MAOB: variants seen among roughly 807,000 people sequenced by gnomAD.
MAOB encodes the protein amine oxidase [flavin-containing] B.
In MAOB, 15 loss-of-function variants were observed where a neutral mutation model predicts 41.9. The ratio of observed to expected loss-of-function variants is 0.36; its 90% CI spans 0.24 to 0.55. MAOB has a LOEUF of 0.55. Ranked by LOEUF, MAOB falls within the 20% of genes least tolerant of loss-of-function variation. The probability of loss-of-function intolerance (pLI) is 0.86; values close to 1 mark genes in which losing one functional copy is unlikely to be tolerated. For synonymous variants in MAOB, 167 were observed against 144.2 expected, an observed-to-expected ratio of 1.16 and a Z score of -1.13; for missense variants, 345 against 398.7, an observed-to-expected ratio of 0.87 and a Z score of 1.15.
At chrX:43,866,017 A>G (rs1304405593) in intron 1 of MAOB, among the ~76,000 whole-genome samples, 1 of 110,964 alleles carries the variant, frequency 9.0e-6, no homozygotes, top group Non-Finnish European at 1.9e-5. Flanking sequence ...CAGTGTAGCT[A>G]CAGGCCCTAG....
chrX:43,849,709 A>G (rs1602025537), intron 1 of MAOB, among the ~76,000 whole-genome samples: 2 of 112,772 alleles, frequency 1.8e-5, no homozygotes, highest in East Asian at 5.6e-4. Context: ...TTAATTGTCT[A>G]TTCTTTGTCT....
At chrX:43,788,396 C>A (rs2034425534) in intron 8 of MAOB, among the ~76,000 whole-genome samples, 1 of 111,831 alleles carries the variant, frequency 8.9e-6, no homozygotes, top group Non-Finnish European at 1.9e-5. Flanking sequence ...CTTATATCAA[C>A]TGACAAGGAT....
chrX:43,806,483 A>T (rs1348169186), intron 3 of MAOB, among the ~76,000 whole-genome samples: 2 of 111,669 alleles, frequency 1.8e-5, no homozygotes, highest in Admixed American at 9.5e-5. Flanking sequence ...TCTTGTCATC[A>T]TGTCACCTCA....
intron 1 of MAOB, among the ~76,000 whole-genome samples, chrX:43,857,568 G>A (rs1290270953): frequency 3.6e-5 from 4 of 110,794 alleles, no homozygotes; most frequent in South Asian, 3.9e-4. Flanking sequence ...GGAGTCCTGC[G>A]GTCCATCCCA....
At chrX:43,857,112 T>TAG (rs2035298193) in intron 1 of MAOB, among the ~76,000 whole-genome samples, 3 of 15,017 alleles carry the variant, frequency 2.0e-4, no homozygotes, top group Non-Finnish European at 3.2e-4. Flanking sequence ...TATATATATA[T>TAG]ATATAGAGAG....
intron 8 of MAOB, among the ~76,000 whole-genome samples, chrX:43,784,731 C>T (rs2034377547): frequency 8.9e-6 from 1 of 112,289 alleles, no homozygotes; most frequent in Admixed American, 9.4e-5. Context: ...GCATTAACTC[C>T]TAACAATAGA....
intron 1 of MAOB, among the ~76,000 whole-genome samples, chrX:43,852,237 T>C (rs1342805263): frequency 8.9e-6 from 1 of 112,210 alleles, no homozygotes; most frequent in Admixed American, 9.4e-5. Flanking sequence ...AGGTAGTATC[T>C]TTATGACCCC....
intron 8 of MAOB, 72 bp downstream of exon 8, chrX:43,793,347 A>C: frequency 1.2e-6 from 1 of 850,333 alleles, no homozygotes; most frequent in East Asian, 3.4e-5. Flanking sequence ...TGACATTTTT[A>C]AAAAATGCAT....
At chrX:43,769,539 A>C in intron 12 of MAOB, 121 bp from the exon 13 acceptor site, 1 of 1,001,507 alleles carries the variant, frequency 1.0e-6, no homozygotes, top group Non-Finnish European at 1.3e-6. Context: ...GGACATTGGC[A>C]ATTTTGGAAT....
At chrX:43,804,281 C>A (rs73473847) in intron 3 of MAOB, among the ~76,000 whole-genome samples, 301 of 111,356 alleles carry the variant, frequency 2.7e-3, no homozygotes, top group African/African-American at 9.6e-3. Context: ...GTTGTACAGG[C>A]AGAGAAACTA....
intron 8 of MAOB, among the ~76,000 whole-genome samples, chrX:43,782,350 A>G (rs1403274491): frequency 8.9e-6 from 1 of 111,989 alleles, no homozygotes; most frequent in Non-Finnish European, 1.9e-5. Flanking sequence ...AGAGAGTACT[A>G]TACTATAAAC....
chrX:43,855,680 A>G (rs1404407076), intron 1 of MAOB, among the ~76,000 whole-genome samples: 1 of 112,177 alleles, frequency 8.9e-6, no homozygotes, highest in Non-Finnish European at 1.9e-5. Flanking sequence ...ATTTTATTTT[A>G]TTGACTCAAT....
chrX:43,881,769 G>C (rs376754544), intron 1 of MAOB, among the ~76,000 whole-genome samples: 1 of 112,290 alleles, frequency 8.9e-6, no homozygotes, highest in Non-Finnish European at 1.9e-5. Context: ...AGAATCAGGA[G>C]GGCCTGGAAA....
chrX:43,769,249 C>T, intron 13 of MAOB, 58 bp downstream of exon 13: 1 of 1,107,007 alleles, frequency 9.0e-7, no homozygotes, highest in Non-Finnish European at 1.2e-6. Flanking sequence ...TATCTTTGAC[C>T]TACATGTCAG....
At chrX:43,810,603 TA>T (rs926500767) in intron 3 of MAOB, among the ~76,000 whole-genome samples, 2 of 110,322 alleles carry the variant, frequency 1.8e-5, no homozygotes, top group Admixed American at 9.7e-5. Context: ...ATAATAATAA[TA>T]AAAAAAAGAA....
At chrX:43,789,322 T>C (rs993764427) in intron 8 of MAOB, among the ~76,000 whole-genome samples, 1 of 112,261 alleles carries the variant, frequency 8.9e-6, no homozygotes, top group African/African-American at 3.2e-5. Flanking sequence ...TTTTTAACAG[T>C]GGCCCTCTAG....
At chrX:43,805,292 T>C (rs2034648791) in intron 3 of MAOB, among the ~76,000 whole-genome samples, 1 of 111,687 alleles carries the variant, frequency 9.0e-6, no homozygotes, top group Non-Finnish European at 1.9e-5. Flanking sequence ...TTTTGTATCC[T>C]TTGACCAATA....
intron 1 of MAOB, among the ~76,000 whole-genome samples, chrX:43,852,440 TGCATCAAAAATCAAGAGA>T (rs1333631685): frequency 8.9e-6 from 1 of 112,297 alleles, no homozygotes; most frequent in Non-Finnish European, 1.9e-5. Flanking sequence ...TACTTTGAAA[TGCATCAAAAATCAAGAGA>T]GATTGATAGA....
intron 6 of MAOB, 23 bp downstream of exon 6, chrX:43,797,102 A>G: frequency 4.2e-6 from 5 of 1,189,174 alleles, no homozygotes; most frequent in Non-Finnish European, 5.7e-6. Context: ...TTCCATTGGG[A>G]CTGTGGAAGA....
Sources: gnomAD v4.1 joint callset for allele counts (sites outside exome capture counted in the v4.1 genomes callset) on GRCh38, gnomAD v4.1.1 for gene constraint, MANE v1.5 for transcripts, NCBI Gene and HGNC (gene_info 2026-07-23, HGNC 2026-07-21) for gene names.